SHROOM3: variants seen among roughly 807,000 people sequenced by gnomAD.
SHROOM3 encodes the protein protein Shroom3.
SHROOM3 carries 47 observed loss-of-function variants against 138.6 expected under a neutral mutation model. That is an observed-to-expected ratio of 0.34 (90% CI 0.27 to 0.43). SHROOM3 has a LOEUF of 0.43. SHROOM3 is among the 20% of genes least tolerant of loss of function. The pLI is 1.00. For synonymous variants in SHROOM3, 1,062 were observed against 1,063.3 expected (o/e 1.00, Z 0.02); for missense variants, 2,491 against 2,596.5 (o/e 0.96, Z 0.88).
At chr4:76,443,683 C>G (rs1410097318) in intron 1 of SHROOM3, among the ~76,000 whole-genome samples, 3 of 152,196 alleles carry the variant, frequency 2.0e-5, no homozygotes, top group South Asian at 2.1e-4. Context: ...GTTTCTCCCC[C>G]TCTTCTAATG....
intron 4 of SHROOM3, among the ~76,000 whole-genome samples, chr4:76,733,635 C>T (rs1720947511): frequency 6.6e-6 from 1 of 151,986 alleles, no homozygotes; most frequent in Non-Finnish European, 1.5e-5. Flanking sequence ...GGAGAGGTGC[C>T]CCAGGTGTGT....
chr4:76,521,145 C>G (rs985280117), intron 1 of SHROOM3, among the ~76,000 whole-genome samples: 2 of 152,034 alleles, frequency 1.3e-5, no homozygotes, highest in Admixed American at 6.5e-5. Flanking sequence ...CTAATATTCC[C>G]TTTAAGGGTT....
At chr4:76,777,732 T>C (rs927530490) in intron 10 of SHROOM3, among the ~76,000 whole-genome samples, 2 of 152,216 alleles carry the variant, frequency 1.3e-5, no homozygotes, top group Non-Finnish European at 2.9e-5. Flanking sequence ...GGCTGTGGGT[T>C]TGTCTCCTCA....
At chr4:76,689,318 A>G (rs1719428331) in intron 2 of SHROOM3, among the ~76,000 whole-genome samples, 3 of 139,326 alleles carry the variant, frequency 2.2e-5, no homozygotes. Flanking sequence ...TCCCGGGCCA[A>G]TCCGGGAGGC....
At chr4:76,698,254 T>C (rs1461279859) in intron 2 of SHROOM3, among the ~76,000 whole-genome samples, 1 of 152,190 alleles carries the variant, frequency 6.6e-6, no homozygotes, top group Non-Finnish European at 1.5e-5. Flanking sequence ...TGGACACAAA[T>C]GCATTTGGCA....
intron 2 of SHROOM3, among the ~76,000 whole-genome samples, chr4:76,558,784 T>C (rs1313632772): frequency 1.3e-5 from 2 of 152,216 alleles, no homozygotes; most frequent in Non-Finnish European, 2.9e-5. Flanking sequence ...AGTCTAATTA[T>C]GGTCAGGAGT....
chr4:76,710,344 C>CAG, intron 3 of SHROOM3, 57 bp downstream of exon 3: 2 of 1,605,918 alleles, frequency 1.2e-6, no homozygotes, highest in Non-Finnish European at 1.7e-6. Flanking sequence ...GTCCAAAAAG[C>CAG]CACTCAGCTG....
intron 2 of SHROOM3, among the ~76,000 whole-genome samples, chr4:76,609,838 A>T (rs1303853600): frequency 6.6e-6 from 1 of 152,214 alleles, no homozygotes; most frequent in East Asian, 1.9e-4. Context: ...TATAAAAGAT[A>T]ACATTAATTT....
At chr4:76,473,814 A>C (rs549609456) in intron 1 of SHROOM3, among the ~76,000 whole-genome samples, 1 of 152,178 alleles carries the variant, frequency 6.6e-6, no homozygotes, top group Non-Finnish European at 1.5e-5. Flanking sequence ...GACAGACAAT[A>C]AAAAGTGTTG....
At chr4:76,717,472 A>C (rs1720408021) in intron 3 of SHROOM3, among the ~76,000 whole-genome samples, 1 of 151,980 alleles carries the variant, frequency 6.6e-6, no homozygotes, top group Admixed American at 6.5e-5. Context: ...TATTTCCATT[A>C]CGTCTATGTT....
At chr4:76,659,756 A>G (rs1364938037) in intron 2 of SHROOM3, among the ~76,000 whole-genome samples, 1 of 152,036 alleles carries the variant, frequency 6.6e-6, no homozygotes, top group Non-Finnish European at 1.5e-5. Context: ...TAATTTTTGT[A>G]TTTTTAGTAG....
intron 2 of SHROOM3, among the ~76,000 whole-genome samples, chr4:76,598,754 A>T (rs572875440): frequency 6.6e-6 from 1 of 152,332 alleles, no homozygotes; most frequent in East Asian, 1.9e-4. Flanking sequence ...CTTTGACTAA[A>T]GAGTGTATGT....
chr4:76,714,118 C>G (rs909142644), intron 3 of SHROOM3, among the ~76,000 whole-genome samples: 1 of 152,178 alleles, frequency 6.6e-6, no homozygotes, highest in Non-Finnish European at 1.5e-5. Context: ...AATGTTAACA[C>G]CCTTTATAAC....
At chr4:76,474,431 G>A (rs1731440461) in intron 1 of SHROOM3, among the ~76,000 whole-genome samples, 1 of 152,108 alleles carries the variant, frequency 6.6e-6, no homozygotes, top group Non-Finnish European at 1.5e-5. Flanking sequence ...GAATATTCTG[G>A]TAAGTGAATT....
rs1314700349 is a variant in SHROOM3, at chr4:76,741,716, G to A, written c.3543G>A (p.Gly1181=). 2 of 1,554,814 alleles carry A rather than the reference G, an allele frequency of 1.3e-6. No individual in the cohort carries two copies. The highest frequency in any genetic ancestry group is 1.7e-6 in the Non-Finnish European group (2 of 1,150,218). Residue 1181 remains glycine, a synonymous_variant, in exon 5 of 11, where the codon GGG becomes GGA. Transcript: ENST00000296043. The surrounding 1 kb of genome is among the most constrained non-coding windows in gnomAD (Gnocchi z 6.2). The part of the protein sequence containing the change: ...SSSFAGGRRL[G]ERRRGDLLSG... ...CCTTCGCCGGTGGCCGCCGCCTCGG[G>A]GAACGGCGACGCGGGGACCTGCTTA...
chr4:76,665,164 G>A (rs1718658267), intron 2 of SHROOM3, among the ~76,000 whole-genome samples: 1 of 152,162 alleles, frequency 6.6e-6, no homozygotes, highest in Non-Finnish European at 1.5e-5. Flanking sequence ...TGTGTACACA[G>A]TAGTACTAGG....
At chr4:76,579,868 G>T (rs1353849216) in intron 2 of SHROOM3, among the ~76,000 whole-genome samples, 2 of 152,160 alleles carry the variant, frequency 1.3e-5, no homozygotes, top group Non-Finnish European at 2.9e-5. Context: ...AATCGGGGAA[G>T]AGAATCGTTG....
Position 76,741,540 on chromosome 4 carries a change from C to A in SHROOM3, c.3367C>A (p.Pro1123Thr), listed in dbSNP as rs1412270451. The change falls in exon 5 of 11, where the codon CCC becomes ACC. Residue 1123 changes from proline (P) to threonine (T), a missense_variant. Coordinates refer to ENST00000296043, the MANE Select transcript of SHROOM3 (RefSeq NM_020859.4). This position sits in a 1 kb window ranked among gnomAD's most constrained non-coding sequence, Gnocchi z 6.2. ...GCGCGCCCAGAGTGCCTACCTCCAG[C>A]CCGGCCCCGCGGCGCTCGAAGGCTC... ...RERAQSAYLQPGPAALEGSGL... is the reference protein window; with the variant it reads ...RERAQSAYLQTGPAALEGSGL... 3 of 1,550,128 alleles carry A rather than the reference C, an allele frequency of 1.9e-6. No homozygotes were observed. The Admixed American group carries it at 5.6e-5, about 29-fold the overall frequency.
At chr4:76,680,985 T>TC (rs1719175550) in intron 2 of SHROOM3, among the ~76,000 whole-genome samples, 1 of 152,228 alleles carries the variant, frequency 6.6e-6, no homozygotes, top group African/African-American at 2.4e-5. Context: ...GCAGATCTGA[T>TC]CATGACACTG....
Sources: allele counts gnomAD v4.1 joint callset (sites outside exome capture counted in the v4.1 genomes callset), GRCh38; gene constraint gnomAD v4.1.1; non-coding constraint Gnocchi (gnomAD v3.1); transcripts MANE v1.5; gene names NCBI Gene and HGNC (gene_info 2026-07-23, HGNC 2026-07-21).